The following EFCAB11 variants were observed in gnomAD, a reference collection of about 807,000 sequenced individuals.
EFCAB11 encodes the protein EF-hand calcium-binding domain-containing protein 11.
In EFCAB11, 14 loss-of-function variants were observed where a neutral mutation model predicts 23.0. That is an observed-to-expected ratio of 0.61 (90% CI 0.40 to 0.95). The LOEUF is 0.95. EFCAB11 is among the 40% of genes least tolerant of loss of function. EFCAB11 has a pLI of 0.00. For synonymous variants in EFCAB11, 65 were observed against 66.6 expected (o/e 0.98, Z 0.11); for missense variants, 198 against 195.8 (o/e 1.01, Z -0.07).
intron 5 of EFCAB11, among the ~76,000 whole-genome samples, chr14:89,821,604 T>C (rs567673987): frequency 2.0e-5 from 3 of 152,320 alleles, no homozygotes; most frequent in Non-Finnish European, 2.9e-5. Context: ...CTTTCAGAGA[T>C]TGGACAACAG....
intron 3 of EFCAB11, among the ~76,000 whole-genome samples, chr14:89,933,952 T>C (rs1329259495): frequency 6.6e-6 from 1 of 152,176 alleles, no homozygotes; most frequent in Non-Finnish European, 1.5e-5. Flanking sequence ...AGAGCATTGC[T>C]GGCAGTAGGA....
chr14:89,867,490 C>T (rs1420383705), intron 5 of EFCAB11, among the ~76,000 whole-genome samples: 1 of 152,134 alleles, frequency 6.6e-6, no homozygotes, highest in African/African-American at 2.4e-5. Context: ...CTTTGGAGAG[C>T]CAGCCCCAGG....
chr14:89,822,249 C>T (rs935168618), intron 5 of EFCAB11, among the ~76,000 whole-genome samples: 11 of 152,076 alleles, frequency 7.2e-5, no homozygotes, highest in Non-Finnish European at 1.3e-4. Flanking sequence ...AGTGTGGCTG[C>T]TAATTAAAAC....
At chr14:89,824,667 C>A (rs185644906) in intron 5 of EFCAB11, among the ~76,000 whole-genome samples, 2 of 151,920 alleles carry the variant, frequency 1.3e-5, no homozygotes, top group Admixed American at 1.3e-4. Context: ...GACACAGATA[C>A]GTTAATAGTA....
In EFCAB11 at chr14:89,952,080, A is replaced by T. The variant is rs72697376; in HGVS notation, c.171+1826T>A. 7.6e-3 allele frequency among the ~76,000 whole-genome samples: 1,150 copies of T among 152,288 alleles called. 9 individuals carry two copies. The highest frequency in any genetic ancestry group is 0.017 in the Middle Eastern group (5 of 294). On this transcript the variant is annotated intron_variant, in intron 2 of 5. Coordinates refer to ENST00000316738, the MANE Select transcript of EFCAB11 (RefSeq NM_145231.4). ...TAAACCCCAAACCTCAACCTAGTCTAAAAAAATCTGTTGAATTTCACAGAA... is the reference window on the plus strand; with the variant it reads ...TAAACCCCAAACCTCAACCTAGTCTTAAAAAATCTGTTGAATTTCACAGAA...
intron 5 of EFCAB11, among the ~76,000 whole-genome samples, chr14:89,815,704 G>A (rs569724390): frequency 2.6e-5 from 4 of 152,198 alleles, no homozygotes; most frequent in East Asian, 3.9e-4. Flanking sequence ...GATTACAGGC[G>A]TGAGTCATCG....
chr14:89,826,017 A>G (rs912108791), intron 5 of EFCAB11, among the ~76,000 whole-genome samples: 1 of 152,162 alleles, frequency 6.6e-6, no homozygotes, highest in Non-Finnish European at 1.5e-5. Flanking sequence ...TAAGACTGAC[A>G]GGTTTCTGCC....
rs749234639 is a variant in EFCAB11 at position 89,950,101 on chromosome 14, A to T, written c.213T>A (p.Thr71=). Reference sequence around the variant, plus strand: ...TAATATTAACTTTCATATTACCAGAAGTATTTGGATTTATTGAAGACATCA... The same window carrying T: ...TAATATTAACTTTCATATTACCAGATGTATTTGGATTTATTGAAGACATCA... ...DSVMSSINPN[T]SGILLEGFLN... The change falls in exon 3 of 6, where the codon ACT becomes ACA. Residue 71 remains threonine (T), a synonymous_variant. Coordinates refer to ENST00000316738, the MANE Select transcript of EFCAB11 (RefSeq NM_145231.4). 4 of 1,552,674 alleles carry T rather than the reference A, an allele frequency of 2.6e-6. No homozygotes were observed. Among genetic ancestry groups the T allele is most frequent in the Non-Finnish European group, 3.5e-6 (4 of 1,137,120 alleles).
chr14:89,814,424 G>A (rs1416618166), intron 5 of EFCAB11, among the ~76,000 whole-genome samples: 1 of 152,106 alleles, frequency 6.6e-6, no homozygotes, highest in Non-Finnish European at 1.5e-5. Context: ...CACCCAGCAG[G>A]CCGGGAGCAG....
chr14:89,892,202 G>A (rs1596434928), intron 5 of EFCAB11: 3 of 1,595,164 alleles, frequency 1.9e-6, no homozygotes, highest in East Asian at 4.6e-5. Context: ...CACCCGCTGT[G>A]TCTCAGCCCA....
At chr14:89,815,901 A>AT (rs1274482868) in intron 5 of EFCAB11, among the ~76,000 whole-genome samples, 1 of 152,038 alleles carries the variant, frequency 6.6e-6, no homozygotes, top group Non-Finnish European at 1.5e-5. Flanking sequence ...GAATTTTAGC[A>AT]TTTTTTCCTA....
intron 5 of EFCAB11, among the ~76,000 whole-genome samples, chr14:89,909,578 C>T (rs1272055603): frequency 1.3e-5 from 2 of 152,056 alleles, no homozygotes; most frequent in Non-Finnish European, 2.9e-5. Flanking sequence ...AAGACTCTGT[C>T]TCAAAAAACA....
intron 5 of EFCAB11, among the ~76,000 whole-genome samples, chr14:89,894,817 T>A (rs1889108550): frequency 6.6e-6 from 1 of 152,254 alleles, no homozygotes; most frequent in East Asian, 1.9e-4. Context: ...CAATTTCATT[T>A]CTATTGTTTC....
At chr14:89,811,257 A>G (rs1044036010) in intron 5 of EFCAB11, among the ~76,000 whole-genome samples, 6 of 152,172 alleles carry the variant, frequency 3.9e-5, no homozygotes, top group African/African-American at 1.4e-4. Context: ...TCTGGGATGC[A>G]TGGGCTGGAA....
Position 89,875,308 on chromosome 14 carries a change from A to G in EFCAB11, c.410+56233T>C, listed in dbSNP as rs541536283. 2.1e-3 allele frequency among the ~76,000 whole-genome samples: 318 copies of G among 152,138 alleles called. 1 individual carries two copies. Among genetic ancestry groups the G allele is most frequent in the African/African-American group, 7.3e-3 (302 of 41,508 alleles). On this transcript the variant is annotated intron_variant, in intron 5 of 5. Coordinates refer to ENST00000316738, the MANE Select transcript of EFCAB11 (RefSeq NM_145231.4). ...CATGAGAACAGCACTGGAAAAACCC[A>G]CCCCCATGATTCCATTACCTCCCAC... is the stretch of plus-strand genomic sequence containing the variant.
intron 3 of EFCAB11, among the ~76,000 whole-genome samples, chr14:89,940,978 C>G (rs17260562): frequency 6.6e-6 from 1 of 152,172 alleles, no homozygotes; most frequent in African/African-American, 2.4e-5. Flanking sequence ...TTGGAACACA[C>G]AGCCTTTGCC....
chr14:89,811,092 A>G (rs1240915905), intron 5 of EFCAB11, among the ~76,000 whole-genome samples: 2 of 151,994 alleles, frequency 1.3e-5, no homozygotes, highest in East Asian at 3.9e-4. Flanking sequence ...CATGGAGCTA[A>G]TAAGAGAGGT....
intron 5 of EFCAB11, among the ~76,000 whole-genome samples, chr14:89,808,566 C>T (rs1202125922): frequency 6.6e-6 from 1 of 152,156 alleles, no homozygotes; most frequent in African/African-American, 2.4e-5. Flanking sequence ...CATCACTGAG[C>T]CACTAGGAAA....
At chr14:89,883,037 A>G (rs1596423326) in intron 5 of EFCAB11, among the ~76,000 whole-genome samples, 1 of 152,120 alleles carries the variant, frequency 6.6e-6, no homozygotes, top group South Asian at 2.1e-4. Context: ...ATCTCTGCAC[A>G]TGCCAGCTCC....
Sources: allele counts gnomAD v4.1 joint callset (sites outside exome capture counted in the v4.1 genomes callset), GRCh38; gene constraint gnomAD v4.1.1; transcripts MANE v1.5; gene names NCBI Gene and HGNC (gene_info 2026-07-23, HGNC 2026-07-21).